Variants in CDK8 observed in about 807,000 individuals in gnomAD.
The protein encoded by CDK8 is cyclin dependent kinase 8.
A neutral mutation model predicts 71.5 loss-of-function variants in CDK8; 29 were observed. The ratio of observed to expected loss-of-function variants is 0.41; its 90% CI spans 0.30 to 0.55. The LOEUF (loss-of-function observed/expected upper bound fraction) is 0.55. CDK8 is among the 20% of genes least tolerant of loss of function. The pLI is 0.37. For synonymous variants in CDK8, 161 were observed against 192.1 expected, an observed-to-expected ratio of 0.84 and a Z score of 1.34; for missense variants, 288 against 572.6, an observed-to-expected ratio of 0.50 and a Z score of 5.07.
intron 4 of CDK8, among the ~76,000 whole-genome samples, chr13:26,367,228 G>A (rs1874432856): frequency 6.6e-6 from 1 of 152,016 alleles, no homozygotes; most frequent in African/African-American, 2.4e-5. Context: ...AAAAACAAAT[G>A]TCTGAACCTT....
rs182808377 is a variant in CDK8 at position 26,333,436 on chromosome 13, G to A, written c.129-4131G>A. Among the ~76,000 whole-genome samples the A allele has an allele frequency of 7.6e-4, 116 of 152,176 alleles. 1 individual carries two copies. Among genetic ancestry groups the A allele is most frequent in the Non-Finnish European group, 5.4e-4 (37 of 67,998 alleles). On this transcript the variant is annotated intron_variant, in intron 1 of 12. Transcript: ENST00000381527. ...ATTACAGGTGTGAGCCACCACACCCGGCTGATATGCTGTATTTTTTTACTG... is the reference window on the plus strand; with the variant it reads ...ATTACAGGTGTGAGCCACCACACCCAGCTGATATGCTGTATTTTTTTACTG...
chr13:26,285,955 G>A (rs575315665), intron 1 of CDK8, among the ~76,000 whole-genome samples: 3 of 152,202 alleles, frequency 2.0e-5, no homozygotes, highest in East Asian at 3.9e-4. Context: ...CCTAATCAAG[G>A]AGGTGAAACA....
intron 8 of CDK8, 94 bp from the exon 9 acceptor site, chr13:26,397,059 G>T: frequency 1.4e-6 from 1 of 727,994 alleles, no homozygotes; most frequent in South Asian, 1.6e-5. Context: ...TTTTATATCG[G>T]TTATGATCAA....
chr13:26,380,931 A>G (rs957217419), intron 4 of CDK8, among the ~76,000 whole-genome samples: 9 of 152,134 alleles, frequency 5.9e-5, no homozygotes, highest in African/African-American at 1.7e-4. Flanking sequence ...CACAATCTAT[A>G]TATCATTTTG....
intron 1 of CDK8, among the ~76,000 whole-genome samples, chr13:26,305,825 C>A (rs1211585111): frequency 6.6e-6 from 1 of 152,014 alleles, no homozygotes; most frequent in Non-Finnish European, 1.5e-5. Flanking sequence ...TCTTGAGGTA[C>A]TCTGTTGGAA....
In CDK8 at chr13:26,382,852, G is replaced by A. The variant is rs1875295337; in HGVS notation, c.495G>A (p.Glu165=). 6.2e-7 allele frequency: 1 copy of A among 1,600,120 alleles called. No homozygotes were observed. Among genetic ancestry groups the A allele is most frequent in the Middle Eastern group, 1.7e-4 (1 of 5,982 alleles). The change falls in exon 5 of 13, where the codon GAG becomes GAA. Residue 165 remains glutamate (E), a synonymous_variant. Transcript: ENST00000381527. ...TTTTAGTTATGGGTGAAGGTCCTGA[G>A]CGAGGAAGAGTAAAAATTGGTATGT... ...ANILVMGEGP[E]RGRVKIADMG...
intron 1 of CDK8, among the ~76,000 whole-genome samples, chr13:26,267,865 A>T (rs1451803805): frequency 6.6e-6 from 1 of 152,220 alleles, no homozygotes; most frequent in African/African-American, 2.4e-5. Flanking sequence ...ACACTGGCAG[A>T]AAGTGAGGTT....
At chr13:26,319,353 CAGCT>C (rs1277468294) in intron 1 of CDK8, among the ~76,000 whole-genome samples, 1 of 151,864 alleles carries the variant, frequency 6.6e-6, no homozygotes, top group Non-Finnish European at 1.5e-5. Flanking sequence ...CCTGTAATTC[CAGCT>C]ACTCAGGAGG....
chr13:26,354,554 G>A (rs997275053), intron 4 of CDK8, among the ~76,000 whole-genome samples: 1 of 152,218 alleles, frequency 6.6e-6, no homozygotes, highest in Admixed American at 6.5e-5. Context: ...GAGGTGAGCG[G>A]TGGGTGAGCA....
At chr13:26,318,394 C>CA (rs1191524515) in intron 1 of CDK8, among the ~76,000 whole-genome samples, 2 of 151,970 alleles carry the variant, frequency 1.3e-5, no homozygotes, top group African/African-American at 4.8e-5. Flanking sequence ...CTAAAACTTT[C>CA]AAAAAAATTG....
intron 12 of CDK8, 100 bp from the exon 13 acceptor site, chr13:26,403,856 T>C: frequency 7.0e-7 from 1 of 1,429,396 alleles, no homozygotes; most frequent in Non-Finnish European, 9.6e-7. Context: ...AACCTATACA[T>C]CCTTTCTTCC....
At chr13:26,388,680 T>C (rs554949690) in intron 6 of CDK8, among the ~76,000 whole-genome samples, 12 of 152,336 alleles carry the variant, frequency 7.9e-5, no homozygotes, top group Non-Finnish European at 1.5e-4. Context: ...TTATGTCTTA[T>C]TGGAAACATT....
At chr13:26,349,300 T>C (rs1174133895) in intron 3 of CDK8, 118 bp downstream of exon 3, 5 of 655,782 alleles carry the variant, frequency 7.6e-6, no homozygotes, top group Non-Finnish European at 1.3e-5. Context: ...AGTAACCTCA[T>C]AGAGTGTGGT....
At chr13:26,279,065 G>A (rs1872650435) in intron 1 of CDK8, among the ~76,000 whole-genome samples, 1 of 151,848 alleles carries the variant, frequency 6.6e-6, no homozygotes, top group Admixed American at 6.6e-5. Context: ...GAGCCAGTGT[G>A]TCCCATAGAT....
chr13:26,351,858 C>T (rs917116558), intron 3 of CDK8, among the ~76,000 whole-genome samples: 1 of 151,906 alleles, frequency 6.6e-6, no homozygotes, highest in Non-Finnish European at 1.5e-5. Context: ...ACAAGGCAGT[C>T]GCAATAAAAA....
chr13:26,316,219 G>T (rs149576823), intron 1 of CDK8, among the ~76,000 whole-genome samples: 190 of 152,260 alleles, frequency 1.2e-3, no homozygotes, highest in Middle Eastern at 3.4e-3. Context: ...ACTTAGCTGG[G>T]CATGGTTGCA....
chr13:26,305,903 A>G (rs1387825943), intron 1 of CDK8, among the ~76,000 whole-genome samples: 1 of 152,024 alleles, frequency 6.6e-6, no homozygotes, highest in Non-Finnish European at 1.5e-5. Context: ...CAGCTCCTCT[A>G]TTTGGAGCCC....
chr13:26,311,654 A>T (rs1006836123), intron 1 of CDK8, among the ~76,000 whole-genome samples: 13 of 152,172 alleles, frequency 8.5e-5, no homozygotes, highest in Non-Finnish European at 1.0e-4. Flanking sequence ...CAGCGGGGCC[A>T]TGTGATTCCT....
intron 6 of CDK8, among the ~76,000 whole-genome samples, chr13:26,388,875 G>GC (rs1253822278): frequency 6.6e-6 from 1 of 152,048 alleles, no homozygotes; most frequent in Non-Finnish European, 1.5e-5. Context: ...ACCAACATAA[G>GC]CATTTATTGG....
Sources: gnomAD v4.1 joint callset for allele counts (sites outside exome capture counted in the v4.1 genomes callset) on GRCh38, gnomAD v4.1.1 for gene constraint, MANE v1.5 for transcripts, NCBI Gene and HGNC (gene_info 2026-07-23, HGNC 2026-07-21) for gene names.